The following DYM variants were observed in gnomAD, a reference collection of about 807,000 sequenced individuals.
DYM encodes dyggve-Melchior-Clausen syndrome protein.
Under a neutral mutation model 93.1 loss-of-function variants are expected in DYM, and 78 were observed. That is an observed-to-expected ratio of 0.84 (90% confidence interval 0.70 to 1.01). The LOEUF is 1.01. DYM is among the 50% of genes least tolerant of loss of function. The pLI, the probability that DYM is intolerant of heterozygous loss-of-function variation, is 0.00. For missense variants in DYM, 789 were observed against 845.0 expected (o/e 0.93, Z 0.82); for synonymous variants, 321 against 319.7 (o/e 1.00, Z -0.04).
At chr18:49,326,302 A>G (rs2062871819) in intron 8 of DYM, among the ~76,000 whole-genome samples, 1 of 152,216 alleles carries the variant, frequency 6.6e-6, no homozygotes, top group Non-Finnish European at 1.5e-5. Context: ...ATATTAGAAG[A>G]ATAGTTAAAC....
intron 17 of DYM, among the ~76,000 whole-genome samples, chr18:49,067,479 T>C (rs1011029555): frequency 7.6e-6 from 1 of 131,090 alleles, no homozygotes; most frequent in African/African-American, 3.0e-5. Context: ...GGAGAAGGAG[T>C]GGGGTGATGT....
At chr18:49,083,081 G>T (rs1185451457) in intron 17 of DYM, among the ~76,000 whole-genome samples, 1 of 133,734 alleles carries the variant, frequency 7.5e-6, no homozygotes, top group Non-Finnish European at 1.8e-5. Context: ...TTTAGGCTTT[G>T]TGAGCCAATA....
chr18:49,420,959 G>T (rs926937546), intron 2 of DYM, among the ~76,000 whole-genome samples: 3 of 152,174 alleles, frequency 2.0e-5, no homozygotes, highest in Admixed American at 6.5e-5. Context: ...CAGCGAGGCT[G>T]GGGGAGGGGC....
chr18:49,053,657 T>A (rs1435835086), intron 17 of DYM, among the ~76,000 whole-genome samples: 1 of 152,186 alleles, frequency 6.6e-6, no homozygotes, highest in Non-Finnish European at 1.5e-5. Context: ...GGTTTGGAGA[T>A]CCTGTCGTAA....
At chr18:49,449,454 T>C (rs1158192891) in intron 1 of DYM, among the ~76,000 whole-genome samples, 2 of 152,134 alleles carry the variant, frequency 1.3e-5, no homozygotes, top group African/African-American at 4.8e-5. Context: ...CCCAGACTTT[T>C]CTATGGTGTT....
chr18:49,218,971 G>A (rs184314644), intron 13 of DYM, among the ~76,000 whole-genome samples: 95,728 of 151,860 alleles, frequency 0.63, 31,373 homozygotes, highest in Non-Finnish European at 0.74. Flanking sequence ...TCAGGAGCTG[G>A]TTTTTTGAAA....
chr18:49,143,205 C>G (rs1265372228), intron 15 of DYM, among the ~76,000 whole-genome samples: 1 of 152,184 alleles, frequency 6.6e-6, no homozygotes, highest in East Asian at 1.9e-4. Context: ...AGTAACTTCT[C>G]TAAGGTAACT....
chr18:49,287,634 C>T (rs1349713768), intron 8 of DYM, among the ~76,000 whole-genome samples: 2 of 151,706 alleles, frequency 1.3e-5, no homozygotes, highest in African/African-American at 4.8e-5. Flanking sequence ...CCTGTAATCC[C>T]AACACTTTGG....
Position 49,242,587 on chromosome 18 carries a change from T to C in DYM, c.1460+14423A>G, listed in dbSNP as rs1301478556. On this transcript the variant is annotated intron_variant, in intron 13 of 17. Coordinates refer to ENST00000675505, the MANE Select transcript of DYM (RefSeq NM_001353214.3). ...GGTTGTATTTTAATACATGGTTTAT[T>C]TTCATCACCTTGTGGGAGTCAAGTT... Among the ~76,000 whole-genome samples, 5 of 152,224 alleles carry C rather than the reference T, an allele frequency of 3.3e-5. No homozygotes were observed. The East Asian group carries it at 9.6e-4, about 29-fold the overall frequency.
intron 17 of DYM, among the ~76,000 whole-genome samples, chr18:49,057,180 T>C (rs978028830): frequency 2.6e-5 from 4 of 152,240 alleles, no homozygotes; most frequent in African/African-American, 9.6e-5. Flanking sequence ...TTGGTAATTT[T>C]CTTATGAAGG....
chr18:49,452,630 G>C (rs1051899472), intron 1 of DYM, among the ~76,000 whole-genome samples: 1 of 152,056 alleles, frequency 6.6e-6, no homozygotes, highest in East Asian at 1.9e-4. Flanking sequence ...AGACATAAAG[G>C]TTCTCCAAGT....
In DYM at chr18:49,038,314, T is replaced by C. The variant is rs1412456428; in HGVS notation, c.*5741A>G. Among the ~76,000 whole-genome samples the C allele has an allele frequency of 6.6e-6, 1 of 152,254 alleles. No individual in the cohort carries two copies. Among genetic ancestry groups the C allele is most frequent in the South Asian group, 2.1e-4 (1 of 4,832 alleles). On this transcript the variant is annotated 3_prime_UTR_variant, in exon 18 of 18. Transcript: ENST00000675505. ...AAATAGGCATGTTAAAATATCACTC[T>C]GGTTGCATATTTGTCTAAATTTCCT...
At chr18:49,426,252 T>G (rs1181757724) in intron 2 of DYM, among the ~76,000 whole-genome samples, 2 of 151,932 alleles carry the variant, frequency 1.3e-5, no homozygotes, top group Non-Finnish European at 2.9e-5. Flanking sequence ...TGTAGGAACA[T>G]GGATGAAGCT....
At chr18:49,347,831 T>C (rs1022568876) in intron 6 of DYM, among the ~76,000 whole-genome samples, 4 of 152,190 alleles carry the variant, frequency 2.6e-5, no homozygotes, top group African/African-American at 9.6e-5. Context: ...TTTTAGAAGA[T>C]GAAAAATGTT....
At position 49,391,628 on chromosome 18, in the gene DYM, A is replaced by C. The variant is rs1362741692; in HGVS notation, c.158T>G (p.Leu53Trp). 2 of 1,613,476 alleles carry C rather than the reference A, an allele frequency of 1.2e-6. No individual in the cohort carries two copies. Among genetic ancestry groups the C allele is most frequent in the Admixed American group, 3.3e-5 (2 of 59,996 alleles). ...APTSSSELKL[L>W]EEATISVCRS... ...GCAGACTGAAATGGTTGCTTCCTCC[A>C]AGAGTTTCAACTCACTACTGGAGAG... The change falls in exon 3 of 18, where the codon TTG becomes TGG. Residue 53 changes from leucine (L) to tryptophan (W), a missense_variant. Coordinates refer to ENST00000675505, the MANE Select transcript of DYM (RefSeq NM_001353214.3).
At chr18:49,239,345 G>A (rs750666241) in intron 13 of DYM, among the ~76,000 whole-genome samples, 1 of 152,190 alleles carries the variant, frequency 6.6e-6, no homozygotes, top group Non-Finnish European at 1.5e-5. Flanking sequence ...CATTTTCCCA[G>A]CTACAATAAG....
intron 6 of DYM, among the ~76,000 whole-genome samples, chr18:49,356,369 T>C (rs2065564115): frequency 6.6e-6 from 1 of 152,222 alleles, no homozygotes; most frequent in Non-Finnish European, 1.5e-5. Context: ...TACGTAATAC[T>C]GTCTTGGTAT....
chr18:49,432,632 G>A (rs1478913078), intron 1 of DYM, among the ~76,000 whole-genome samples: 4 of 142,794 alleles, frequency 2.8e-5, no homozygotes, highest in Non-Finnish European at 4.5e-5. Flanking sequence ...AAGAAACAGG[G>A]CCTCACTCTG....
intron 8 of DYM, among the ~76,000 whole-genome samples, chr18:49,299,861 G>A (rs941895278): frequency 6.6e-6 from 1 of 151,546 alleles, no homozygotes; most frequent in African/African-American, 2.4e-5. Context: ...GGCTAACACG[G>A]TGAAACCCCG....
Sources: allele counts gnomAD v4.1 joint callset (sites outside exome capture counted in the v4.1 genomes callset), GRCh38; gene constraint gnomAD v4.1.1; transcripts MANE v1.5; gene names NCBI Gene and HGNC (gene_info 2026-07-23, HGNC 2026-07-21).